Variants in ATP2C2 observed in about 807,000 individuals in gnomAD.
The protein encoded by ATP2C2 is calcium-transporting ATPase type 2C member 2.
Under a neutral mutation model 110.8 loss-of-function variants are expected in ATP2C2, and 171 were observed. The observed-to-expected ratio is 1.54, with a 90% CI of 1.36 to 1.75. The LOEUF (loss-of-function observed/expected upper bound fraction) is 1.75. ATP2C2 is among the 40% of genes most tolerant of loss of function. The pLI is 0.00. For missense variants in ATP2C2, 1,963 were observed against 1,235.0 expected (o/e 1.59, Z -8.84); for synonymous variants, 804 against 508.4 (o/e 1.58, Z -7.82).
At position 84,410,637 on chromosome 16, in the gene ATP2C2, C is replaced by T. The variant is rs375154871; in HGVS notation, c.453+34C>T. ...TTCCTGAGGTCCCAGTCAGGGTAAG[C>T]TGGGCGGGACAGGAGCTTCATGGAG... is the stretch of plus-strand genomic sequence containing the variant. On this transcript the variant is annotated intron_variant, in intron 5 of 26. Coordinates refer to ENST00000262429, the MANE Select transcript of ATP2C2 (RefSeq NM_014861.4). 7.9e-5 allele frequency: 128 copies of T among 1,613,906 alleles called. 1 individual carries two copies. The African/African-American group carries it at 1.4e-3, about 18-fold the overall frequency.
At chr16:84,461,580 G>C in intron 24 of ATP2C2, 134 bp from the exon 25 acceptor site, 2 of 789,284 alleles carry the variant, frequency 2.5e-6, no homozygotes, top group Non-Finnish European at 4.4e-6. Flanking sequence ...GGAGGAAGCT[G>C]TGTGACCGAT....
At chr16:84,396,897 C>T (rs1287067479) in intron 1 of ATP2C2, among the ~76,000 whole-genome samples, 1 of 151,858 alleles carries the variant, frequency 6.6e-6, no homozygotes, top group Admixed American at 6.5e-5. Context: ...CCGCATGAAA[C>T]CGAGGTGGGT....
At chr16:84,449,874 G>T (rs907443676) in intron 17 of ATP2C2, among the ~76,000 whole-genome samples, 1 of 152,198 alleles carries the variant, frequency 6.6e-6, no homozygotes, top group South Asian at 2.1e-4. Flanking sequence ...AACATCCCAC[G>T]TGGCACTGGC....
chr16:84,443,178 C>T (rs1048641876), intron 15 of ATP2C2, among the ~76,000 whole-genome samples: 2 of 151,956 alleles, frequency 1.3e-5, no homozygotes, highest in African/African-American at 4.8e-5. Context: ...GCTGGGAATG[C>T]AGGTGACAGG....
intron 21 of ATP2C2, 89 bp downstream of exon 21, chr16:84,455,073 G>T (rs772054285): frequency 6.6e-6 from 10 of 1,521,340 alleles, no homozygotes; most frequent in Admixed American, 1.9e-5. Flanking sequence ...GAGATAGAGG[G>T]GGGGGTCTCG....
chr16:84,428,574 G>A (rs1907989881), intron 11 of ATP2C2, among the ~76,000 whole-genome samples: 1 of 152,138 alleles, frequency 6.6e-6, no homozygotes, highest in African/African-American at 2.4e-5. Flanking sequence ...AGAGGAGCTG[G>A]AATATTATGT....
chr16:84,448,654 A>C lies in ATP2C2; in HGVS notation c.1625A>C (p.Gln542Pro). 1 of 1,613,926 alleles carries C rather than the reference A, an allele frequency of 6.2e-7. No individual in the cohort carries two copies. Among genetic ancestry groups the C allele is most frequent in the East Asian group, 2.2e-5 (1 of 44,870 alleles). Residue 542 changes from glutamine to proline, a missense_variant, in exon 17 of 27, where the codon CAG (glutamine) becomes CCG (proline). Coordinates refer to ENST00000262429, the MANE Select transcript of ATP2C2 (RefSeq NM_014861.4). ...CCCCAGCAGAGGTCATTCTGCCTGC[A>C]GGAAGAGAAGAGGATGGGGTCGCTC... ...LTPQQRSFCL[Q>P]EEKRMGSLGL...
chr16:84,455,651 A>G (rs1910725854), intron 21 of ATP2C2, among the ~76,000 whole-genome samples: 1 of 152,126 alleles, frequency 6.6e-6, no homozygotes, highest in Non-Finnish European at 1.5e-5. Context: ...TAAGCCTGAT[A>G]CAAAAAATCC....
intron 26 of ATP2C2, 87 bp downstream of exon 26, chr16:84,462,216 G>A (rs146021751): frequency 1.3e-6 from 2 of 1,536,376 alleles, no homozygotes; most frequent in South Asian, 1.2e-5. Context: ...CAGCCCAGGA[G>A]GGGTCAGTGC....
chr16:84,443,453 A>G (rs1303396800), intron 15 of ATP2C2, among the ~76,000 whole-genome samples: 2 of 152,162 alleles, frequency 1.3e-5, no homozygotes, highest in African/African-American at 4.8e-5. Flanking sequence ...ATCAAGGTCA[A>G]GGGAAAAGCC....
At chr16:84,412,165 C>CA (rs765070558) in intron 6 of ATP2C2, among the ~76,000 whole-genome samples, 13 of 152,168 alleles carry the variant, frequency 8.5e-5, no homozygotes, top group Non-Finnish European at 1.8e-4. Flanking sequence ...AGGTGCATGC[C>CA]ATGCCACCAC....
chr16:84,392,939 G>A (rs534646637), intron 1 of ATP2C2, among the ~76,000 whole-genome samples: 127 of 152,306 alleles, frequency 8.3e-4, no homozygotes, highest in African/African-American at 2.8e-3. Flanking sequence ...CTCAGGAGAT[G>A]TGTTTGGCTG....
At position 84,462,256 on chromosome 16, in the gene ATP2C2, C is replaced by T. The variant is rs945742685; in HGVS notation, c.2722+127C>T. On this transcript the variant is annotated intron_variant, in intron 26 of 26. Transcript: ENST00000262429. ...AAGCAGAGCTCACCAGGGGCCGGCT[C>T]TGTCTTCAGGGCCCTTCTGTCCTCA... 8 of 1,287,326 alleles carry T rather than the reference C, an allele frequency of 6.2e-6. No homozygotes were observed. In the African/African-American group the frequency reaches 1.0e-4, roughly 17 times the overall value. The allele number at this position is 1,287,326 out of a possible 1,614,324, so 79.7% of individuals were successfully genotyped here. A position where few individuals can be genotyped will look rare whatever the true frequency, so the allele number is the denominator to read the frequency against.
At position 84,463,190 on chromosome 16, in the gene ATP2C2, AATTCATCCCAGGGAACATGTCG is replaced by A. The variant is rs1352874499; in HGVS notation, c.2723-423_2723-402del. Among the ~76,000 whole-genome samples the A allele has an allele frequency of 6.7e-4, 11 of 16,460 alleles. No homozygotes were observed. The East Asian group carries it at 0.051, about 77-fold the overall frequency. 10.8% of individuals were successfully genotyped at this position (16,460 alleles called of 152,430 possible). ...GACAGGAGCAGAGGGAGACGCTGGG[AATTCATCCCAGGGAACATGTCG>A]CTGGGAATTCATCCCAGGGAACATG... On this transcript the variant is annotated intron_variant, in intron 26 of 26. Transcript: ENST00000262429.
At chr16:84,383,287 C>G (rs903226852) in intron 1 of ATP2C2, among the ~76,000 whole-genome samples, 1 of 152,202 alleles carries the variant, frequency 6.6e-6, no homozygotes. Flanking sequence ...TGCATCAAAC[C>G]CTCACTCCAC....
chr16:84,412,556 G>A (rs367951693), intron 6 of ATP2C2, among the ~76,000 whole-genome samples: 2 of 42,042 alleles, frequency 4.8e-5, no homozygotes, highest in East Asian at 4.6e-4. Flanking sequence ...GCGTGTGTGT[G>A]TGTGTGTGTG....
chr16:84,445,689 C>T (rs1039197231), intron 15 of ATP2C2, among the ~76,000 whole-genome samples: 2 of 152,224 alleles, frequency 1.3e-5, no homozygotes, highest in African/African-American at 2.4e-5. Context: ...GGCATTTCTT[C>T]CCTAATCACC....
At chr16:84,392,526 G>A (rs1476323603) in intron 1 of ATP2C2, among the ~76,000 whole-genome samples, 2 of 152,108 alleles carry the variant, frequency 1.3e-5, no homozygotes, top group African/African-American at 4.8e-5. Flanking sequence ...GCAGTGGCGT[G>A]ATCTCAGCTC....
At chr16:84,392,806 G>A (rs1294438617) in intron 1 of ATP2C2, among the ~76,000 whole-genome samples, 1 of 152,058 alleles carries the variant, frequency 6.6e-6, no homozygotes, top group Non-Finnish European at 1.5e-5. Flanking sequence ...GGGAGGCCGG[G>A]CTGTGTGTCC....
Sources: allele counts gnomAD v4.1 joint callset (sites outside exome capture counted in the v4.1 genomes callset), GRCh38; gene constraint gnomAD v4.1.1; transcripts MANE v1.5; gene names NCBI Gene and HGNC (gene_info 2026-07-23, HGNC 2026-07-21).